Variants in BNC2 observed in about 807,000 individuals in gnomAD.
BNC2 encodes basonuclin zinc finger protein 2, also known as zinc finger protein basonuclin-2.
Under a neutral mutation model 76.3 loss-of-function variants are expected in BNC2, and 20 were observed. That is an observed-to-expected ratio of 0.26 (90% CI 0.18 to 0.38). BNC2 has a LOEUF of 0.38. Ranked by LOEUF, BNC2 falls within the 10% of genes least tolerant of loss-of-function variation. BNC2 has a pLI of 1.00. For synonymous variants in BNC2, 582 were observed against 514.8 expected (o/e 1.13, Z -1.77); for missense variants, 1,382 against 1,399.8 (o/e 0.99, Z 0.20).
chr9:16,501,946 C>T, intron 5 of BNC2, among the ~76,000 whole-genome samples: 2 of 152,274 alleles, frequency 1.3e-5, no homozygotes, highest in East Asian at 3.9e-4. Context: ...AGACACTTTG[C>T]CATTTTCTTG....
intron 3 of BNC2, among the ~76,000 whole-genome samples, chr9:16,624,571 T>C (rs766219138): frequency 1.3e-5 from 2 of 152,194 alleles, no homozygotes; most frequent in African/African-American, 4.8e-5. Context: ...CTACCATGCA[T>C]GGCAAGTGTT....
intron 4 of BNC2, among the ~76,000 whole-genome samples, chr9:16,554,570 A>C (rs1245828074): frequency 1.3e-5 from 2 of 152,178 alleles, no homozygotes; most frequent in Non-Finnish European, 2.9e-5. Context: ...GGGAAAGATA[A>C]GGGCTTCACA....
At chr9:16,683,805 G>A (rs1449150287) in intron 3 of BNC2, among the ~76,000 whole-genome samples, 1 of 152,172 alleles carries the variant, frequency 6.6e-6, no homozygotes, top group Non-Finnish European at 1.5e-5. Context: ...AGGAAGAAAT[G>A]CTTCAAGTGG....
chr9:16,857,474 C>T (rs1168734630), intron 1 of BNC2, among the ~76,000 whole-genome samples: 10 of 82,038 alleles, frequency 1.2e-4, no homozygotes, highest in Non-Finnish European at 2.0e-4. Context: ...GAGACTCTGT[C>T]TCAAATAAAA....
chr9:16,439,159 A>G (rs965427360), intron 5 of BNC2, among the ~76,000 whole-genome samples: 20 of 152,202 alleles, frequency 1.3e-4, no homozygotes, highest in African/African-American at 4.6e-4. Flanking sequence ...CTCCCCGGCC[A>G]TGTGGAATTA....
chr9:16,459,229 C>G (rs1251474236), intron 5 of BNC2, among the ~76,000 whole-genome samples: 1 of 152,170 alleles, frequency 6.6e-6, no homozygotes, highest in African/African-American at 2.4e-5. Context: ...CAATCACGTT[C>G]TCCTATAGCA....
intron 1 of BNC2, among the ~76,000 whole-genome samples, chr9:16,739,779 T>G (rs1018143360): frequency 1.3e-5 from 2 of 151,862 alleles, no homozygotes; most frequent in African/African-American, 4.8e-5. Context: ...GGGACCAGAA[T>G]GACTGTAACA....
intron 3 of BNC2, among the ~76,000 whole-genome samples, chr9:16,665,434 A>AAAG (rs1440071746): frequency 8.6e-6 from 1 of 116,098 alleles, no homozygotes; most frequent in South Asian, 3.3e-4. Context: ...GAAAGGAAAG[A>AAAG]AAAGAAAGAA....
intron 3 of BNC2, among the ~76,000 whole-genome samples, chr9:16,706,845 T>C (rs1370842134): frequency 6.6e-6 from 1 of 152,186 alleles, no homozygotes; most frequent in African/African-American, 2.4e-5. Context: ...CCAAAACCTA[T>C]GTGAAACACT....
rs149699707 is a variant in BNC2, at chr9:16,618,201, T to C, written c.331-35116A>G. Among the ~76,000 whole-genome samples, 10 of 152,304 alleles carry C rather than the reference T, an allele frequency of 6.6e-5. No individual in the cohort carries two copies. The East Asian group carries it at 1.7e-3, about 26-fold the overall frequency. On this transcript the variant is annotated intron_variant, in intron 3 of 6. Transcript: ENST00000380672. ...GGTTGGCTACACTGGCTCTGTGACT[T>C]AAACCAGATCATCTGGACACCTTAT...
At chr9:16,707,219 A>G (rs1355460725) in intron 3 of BNC2, among the ~76,000 whole-genome samples, 3 of 150,430 alleles carry the variant, frequency 2.0e-5, no homozygotes, top group African/African-American at 7.3e-5. Context: ...AAAAAAAACA[A>G]CAGCAATAGA....
Position 16,790,272 on chromosome 9 carries a change from T to C in BNC2, c.4-51787A>G, listed in dbSNP as rs1228027429. Among the ~76,000 whole-genome samples the C allele has an allele frequency of 5.3e-5, 8 of 152,328 alleles. No homozygotes were observed. The South Asian group carries it at 1.0e-3, about 20-fold the overall frequency. ...TCGGCCTCCCAAAGTGCTGGGATTA[T>C]AGGCGTGAGCCACAGTGCCTGGCCA... On this transcript the variant is annotated intron_variant, in intron 1 of 6. Coordinates refer to ENST00000380672, the MANE Select transcript of BNC2 (RefSeq NM_017637.6).
intron 1 of BNC2, among the ~76,000 whole-genome samples, chr9:16,837,167 T>C (rs1254278688): frequency 6.6e-6 from 1 of 152,178 alleles, no homozygotes; most frequent in African/African-American, 2.4e-5. Flanking sequence ...ACAACAAAGA[T>C]CTCAGTAATA....
rs570583959 is a variant in BNC2, at chr9:16,414,835, T to C, written c.*4154A>G. ...TGTACAGAGAAAGGGGAAAAAAAGG[T>C]CACATTGTATTTGGTGGGAACCTAG... On this transcript the variant is annotated 3_prime_UTR_variant, in exon 7 of 7. Coordinates refer to ENST00000380672, the MANE Select transcript of BNC2 (RefSeq NM_017637.6). 7.9e-5 allele frequency: 12 copies of C among 152,138 alleles called. No homozygotes were observed. The South Asian group carries it at 1.7e-3, about 21-fold the overall frequency. 9.4% of individuals were successfully genotyped at this position (152,138 alleles called of 1,614,324 possible).
chr9:16,681,331 A>G (rs1822814771), intron 3 of BNC2, among the ~76,000 whole-genome samples: 1 of 152,162 alleles, frequency 6.6e-6, no homozygotes, highest in South Asian at 2.1e-4. Context: ...ATTTTATCGG[A>G]GGGGAAAAAG....
At chr9:16,491,021 C>T (rs908699483) in intron 5 of BNC2, among the ~76,000 whole-genome samples, 5 of 151,994 alleles carry the variant, frequency 3.3e-5, no homozygotes, top group Admixed American at 6.6e-5. Context: ...GGTGTGGAGG[C>T]GGAGCACAAG....
chr9:16,836,838 T>C (rs1554748748), intron 1 of BNC2, among the ~76,000 whole-genome samples: 2 of 152,174 alleles, frequency 1.3e-5, no homozygotes, highest in Non-Finnish European at 2.9e-5. Flanking sequence ...AAATTAAACT[T>C]CCTGCTTATA....
chr9:16,582,939 A>ACAC, intron 4 of BNC2, 44 bp downstream of exon 4: 3 of 1,346,328 alleles, frequency 2.2e-6, no homozygotes, highest in African/African-American at 1.4e-5. Context: ...ACACACGAAC[A>ACAC]TGAACATAAT....
At chr9:16,485,725 C>T (rs1822150513) in intron 5 of BNC2, among the ~76,000 whole-genome samples, 1 of 152,142 alleles carries the variant, frequency 6.6e-6, no homozygotes, top group African/African-American at 2.4e-5. Flanking sequence ...GGGAGGACTG[C>T]TTGAGCCCAC....
Sources: gnomAD v4.1 joint callset for allele counts (sites outside exome capture counted in the v4.1 genomes callset) on GRCh38, gnomAD v4.1.1 for gene constraint, MANE v1.5 for transcripts, NCBI Gene and HGNC (gene_info 2026-07-23, HGNC 2026-07-21) for gene names.